FAM120A: variants seen among roughly 807,000 people sequenced by gnomAD.
FAM120A encodes family with sequence similarity 120 member A.
In FAM120A, 15 loss-of-function variants were observed where a neutral mutation model predicts 109.7. That is an observed-to-expected ratio of 0.14 (90% CI 0.09 to 0.21). The LOEUF is 0.21. FAM120A is among the 10% of genes least tolerant of loss of function. FAM120A has a pLI of 1.00. For synonymous variants in FAM120A, 493 were observed against 572.8 expected, an observed-to-expected ratio of 0.86 and a Z score of 1.99; for missense variants, 899 against 1,439.3, an observed-to-expected ratio of 0.62 and a Z score of 6.07.
rs1859666777 is a variant in FAM120A, at chr9:93,498,429, C to T, written c.934-361C>T. Among the ~76,000 whole-genome samples the T allele has an allele frequency of 6.6e-6, 1 of 152,140 alleles. No individual in the cohort carries two copies. Among genetic ancestry groups the T allele is most frequent in the South Asian group, 2.1e-4 (1 of 4,822 alleles). On this transcript the variant is annotated intron_variant, in intron 4 of 17. Transcript: ENST00000277165. The surrounding 1 kb of genome is among the most constrained non-coding windows in gnomAD (Gnocchi z 4.4). ...AGAGAGCTGAAACCCTGGGCAGGAA[C>T]ATCCCCAGTCTGTCACTGCCATCCG... is the stretch of plus-strand genomic sequence containing the variant.
intron 10 of FAM120A, among the ~76,000 whole-genome samples, 172 bp from the exon 11 acceptor site, chr9:93,543,050 C>G (rs1861760370): frequency 6.6e-6 from 1 of 152,168 alleles, no homozygotes; most frequent in Admixed American, 6.6e-5. Flanking sequence ...AATAGAGGGA[C>G]AAACAAAATA....
At chr9:93,527,363 A>T in intron 8 of FAM120A, 121 bp downstream of exon 8, 4 of 734,368 alleles carry the variant, frequency 5.4e-6, no homozygotes, top group Non-Finnish European at 6.8e-6. Context: ...GTAAACCTTT[A>T]CAAAGGGGAT....
chr9:93,455,665 A>G (rs1231694343), intron 1 of FAM120A, among the ~76,000 whole-genome samples: 1 of 151,914 alleles, frequency 6.6e-6, no homozygotes, highest in African/African-American at 2.4e-5. Flanking sequence ...TGCTTAGAGA[A>G]ATCTTTTTTT....
chr9:93,506,239 A>G (rs1484313505), intron 5 of FAM120A, among the ~76,000 whole-genome samples: 1 of 152,206 alleles, frequency 6.6e-6, no homozygotes, highest in Non-Finnish European at 1.5e-5. Flanking sequence ...CTGTAGATCA[A>G]TTTGGAAAGA....
At chr9:93,523,547 T>C (rs1860934091) in intron 7 of FAM120A, among the ~76,000 whole-genome samples, 1 of 152,228 alleles carries the variant, frequency 6.6e-6, no homozygotes, top group Non-Finnish European at 1.5e-5. Context: ...TTAATTGTGA[T>C]CTATATCATT....
chr9:93,540,650 A>T (rs542387927), intron 10 of FAM120A, among the ~76,000 whole-genome samples: 1 of 152,248 alleles, frequency 6.6e-6, no homozygotes, highest in South Asian at 2.1e-4. Flanking sequence ...GGCCAGGCTC[A>T]TTCAGGTACA....
chr9:93,452,415 G>A lies in FAM120A; in HGVS notation c.474+26G>A, dbSNP rs770417375. 2.5e-6 allele frequency: 4 copies of A among 1,583,458 alleles called. No homozygotes were observed. The South Asian group carries it at 3.4e-5, about 14-fold the overall frequency. Reference sequence around the variant, plus strand: ...GTGAGGCCGGGGATCCGGGCGGGCCGGGGACCGGGGCCGCGCCGCACCCCT... The same window carrying A: ...GTGAGGCCGGGGATCCGGGCGGGCCAGGGACCGGGGCCGCGCCGCACCCCT... On this transcript the variant is annotated intron_variant, in intron 1 of 17. Transcript: ENST00000277165. The surrounding 1 kb of genome is among the most constrained non-coding windows in gnomAD (Gnocchi z 7.0).
chr9:93,496,839 G>T, intron 3 of FAM120A, among the ~76,000 whole-genome samples: 1 of 152,208 alleles, frequency 6.6e-6, no homozygotes, highest in African/African-American at 2.4e-5. Context: ...TTTTTCTAGT[G>T]TCAGCTGTTT....
At chr9:93,519,986 A>G (rs1588875541) in intron 7 of FAM120A, among the ~76,000 whole-genome samples, 1 of 151,956 alleles carries the variant, frequency 6.6e-6, no homozygotes, top group East Asian at 1.9e-4. Flanking sequence ...GGTGATCCTC[A>G]CACCTTAGCA....
chr9:93,503,553 A>G (rs1859897190), intron 5 of FAM120A, among the ~76,000 whole-genome samples: 1 of 152,194 alleles, frequency 6.6e-6, no homozygotes, highest in African/African-American at 2.4e-5. Context: ...CAGGAAAAAG[A>G]TCAAGGGTTG....
Position 93,557,964 on chromosome 9 carries a change from C to G in FAM120A, c.2622C>G (p.His874Gln). Residue 874 changes from histidine to glutamine, a missense_variant, in exon 14 of 18, where the codon CAC (histidine) becomes CAG (glutamine). Physicochemically the swap from His to Gln is conservative, Grantham distance 24. Transcript: ENST00000277165. Reference protein sequence around the residue: ...PFYPASAYPRHFGPVPPSQGR... With the variant: ...PFYPASAYPRQFGPVPPSQGR... ...ACCCTGCCTCTGCGTACCCCCGGCA[C>G]TTTGGGCCTGTCCCACCCTCTCAGG... The G allele has an allele frequency of 6.2e-7, 1 of 1,604,118 alleles. No individual in the cohort carries two copies. Among genetic ancestry groups the G allele is most frequent in the South Asian group, 1.1e-5 (1 of 90,868 alleles).
chr9:93,452,941 C>T lies in FAM120A; in HGVS notation c.474+552C>T. 7.1e-7 allele frequency: 1 copy of T among 1,401,682 alleles called. No homozygotes were observed. Among genetic ancestry groups the T allele is most frequent in the South Asian group, 1.6e-5 (1 of 63,314 alleles). 86.8% of individuals were successfully genotyped at this position (1,401,682 alleles called of 1,614,324 possible). ...AGCGAGACGTGTCTAAGGGCCAGTG[C>T]CCTGGCCTCTACTTCAGAACGCAGT... On this transcript the variant is annotated intron_variant, in intron 1 of 17. Coordinates refer to ENST00000277165, the MANE Select transcript of FAM120A (RefSeq NM_014612.5). The surrounding 1 kb of genome is among the most constrained non-coding windows in gnomAD (Gnocchi z 7.0).
At chr9:93,556,874 TG>T (rs1862300967) in intron 13 of FAM120A, among the ~76,000 whole-genome samples, 1 of 152,236 alleles carries the variant, frequency 6.6e-6, no homozygotes, top group African/African-American at 2.4e-5. Context: ...TACAAGGTGC[TG>T]GGTTCCTTCA....
chr9:93,460,981 C>G (rs1857769809), intron 1 of FAM120A, among the ~76,000 whole-genome samples: 1 of 152,136 alleles, frequency 6.6e-6, no homozygotes, highest in South Asian at 2.1e-4. Context: ...ATTTAGCCAC[C>G]TTTCCTCTTG....
At chr9:93,478,421 A>G (rs1273122122) in intron 3 of FAM120A, among the ~76,000 whole-genome samples, 1 of 152,178 alleles carries the variant, frequency 6.6e-6, no homozygotes, top group Admixed American at 6.5e-5. Context: ...AAAGTCACAC[A>G]TGAAATGCAA....
chr9:93,556,352 TC>T (rs1195745583), intron 12 of FAM120A, 29 bp from the exon 13 acceptor site: 1 of 1,565,920 alleles, frequency 6.4e-7, no homozygotes, highest in South Asian at 1.1e-5. Context: ...GTACTCTTAT[TC>T]CATAGAAATT....
intron 5 of FAM120A, among the ~76,000 whole-genome samples, chr9:93,507,955 G>C (rs12554020): frequency 0.24 from 37,041 of 152,044 alleles, 5,864 homozygotes; most frequent in African/African-American, 0.45. Context: ...TGAAATGCAG[G>C]GGAGAATTGA....
intron 10 of FAM120A, among the ~76,000 whole-genome samples, chr9:93,536,431 A>G (rs561690133): frequency 6.6e-6 from 1 of 152,348 alleles, no homozygotes; most frequent in African/African-American, 2.4e-5. Context: ...ATAGCTTCAG[A>G]ACCTTATCTG....
intron 10 of FAM120A, among the ~76,000 whole-genome samples, chr9:93,542,031 G>C (rs1433963224): frequency 6.6e-6 from 1 of 152,202 alleles, no homozygotes; most frequent in Non-Finnish European, 1.5e-5. Flanking sequence ...CCTGCTTTTG[G>C]ATTCTTCAGA....
Sources: allele counts gnomAD v4.1 joint callset (sites outside exome capture counted in the v4.1 genomes callset), GRCh38; gene constraint gnomAD v4.1.1; non-coding constraint Gnocchi (gnomAD v3.1); transcripts MANE v1.5; gene names NCBI Gene and HGNC (gene_info 2026-07-23, HGNC 2026-07-21).